The following GON7 variants were observed in gnomAD, a reference collection of about 807,000 sequenced individuals.
GON7 encodes GON7 subunit of KEOPS complex.
A neutral mutation model predicts 7.6 loss-of-function variants in GON7; 2 were observed. The observed-to-expected ratio is 0.26, with a 90% CI of 0.11 to 0.83. The LOEUF (loss-of-function observed/expected upper bound fraction) is 0.83. Among genes scored for constraint, GON7 ranks in the 40% least tolerant of loss-of-function variants. GON7 has a pLI of 0.65. For synonymous variants in GON7, 54 were observed against 56.6 expected, an observed-to-expected ratio of 0.95 and a Z score of 0.20; for missense variants, 121 against 132.2, an observed-to-expected ratio of 0.92 and a Z score of 0.42.
At position 93,206,915 on chromosome 14, in the gene GON7, C is replaced by T. The variant is rs1894358492; in HGVS notation, c.123G>A (p.Lys41=). 1.2e-6 allele frequency: 2 copies of T among 1,614,232 alleles called. No homozygotes were observed. Among genetic ancestry groups the T allele is most frequent in the Non-Finnish European group, 1.7e-6 (2 of 1,180,050 alleles). The change falls in exon 1 of 2, where the codon AAG becomes AAA. Residue 41 remains lysine, a synonymous_variant. Coordinates refer to ENST00000306954, the MANE Select transcript of GON7 (RefSeq NM_032490.5). ...GGTCGAATAATTCCGTTACCATGTC[C>T]TTCATCTGGGCCACGCCAGACAACA... The part of the protein sequence containing the change: ...QGLLSGVAQM[K]DMVTELFDPL...
chr14:93,203,492 C>A lies in GON7; in HGVS notation c.*196G>T, dbSNP rs537110978. The A allele has an allele frequency of 4.1e-6, 2 of 487,812 alleles. No individual in the cohort carries two copies. Among genetic ancestry groups the A allele is most frequent in the South Asian group, 4.5e-5 (1 of 22,084 alleles). The allele number at this position is 487,812 out of a possible 1,614,324, so 30.2% of individuals were successfully genotyped here. On this transcript the variant is annotated 3_prime_UTR_variant, in exon 2 of 2. Transcript: ENST00000306954. ...TCCTTCCAGGGTCTGAAATTTATTT[C>A]TCAAGAAAACAGATTTTATTTCTAA...
At chr14:93,205,716 A>T (rs1894327566) in intron 1 of GON7, among the ~76,000 whole-genome samples, 3 of 151,952 alleles carry the variant, frequency 2.0e-5, no homozygotes, top group East Asian at 1.9e-4. Context: ...GCAATTTTTT[A>T]AAAATAATGC....
chr14:93,205,103 T>G (rs145614795), intron 1 of GON7, among the ~76,000 whole-genome samples: 1 of 152,240 alleles, frequency 6.6e-6, no homozygotes, highest in Non-Finnish European at 1.5e-5. Flanking sequence ...CTGGGTCATA[T>G]GGTAACTTCA....
chr14:93,204,050 C>T (rs1451671642), intron 1 of GON7, among the ~76,000 whole-genome samples: 1 of 152,050 alleles, frequency 6.6e-6, no homozygotes, highest in Non-Finnish European at 1.5e-5. Flanking sequence ...GGCTGGAGTG[C>T]AGTGGCACGA....
rs1566817349 is a variant in GON7, at chr14:93,203,619, C to A, written c.*69G>T. 1 of 1,320,426 alleles carries A rather than the reference C, an allele frequency of 7.6e-7. No individual in the cohort carries two copies. Among genetic ancestry groups the A allele is most frequent in the African/African-American group, 1.4e-5 (1 of 69,324 alleles). 81.8% of individuals were successfully genotyped at this position (1,320,426 alleles called of 1,614,324 possible). On this transcript the variant is annotated 3_prime_UTR_variant, in exon 2 of 2. Transcript: ENST00000306954. Reference sequence around the variant, plus strand: ...GCTTTTTCCAAATTAGAGCATAAGTCTTCCTTAAATGTCCTAGTGTGACAA... The same window carrying A: ...GCTTTTTCCAAATTAGAGCATAAGTATTCCTTAAATGTCCTAGTGTGACAA...
At chr14:93,206,680 G>A (rs906706567) in intron 1 of GON7, 150 bp downstream of exon 1, 7 of 799,538 alleles carry the variant, frequency 8.8e-6, no homozygotes, top group Non-Finnish European at 1.3e-5. Flanking sequence ...GCCCCACTTC[G>A]CCTAGCCCGC....
At chr14:93,206,428 T>G (rs1386369062) in intron 1 of GON7, among the ~76,000 whole-genome samples, 1 of 152,152 alleles carries the variant, frequency 6.6e-6, no homozygotes, top group East Asian at 1.9e-4. Context: ...TGGCACATAA[T>G]AGTAGGCATT....
rs763894678 is a variant in GON7, at chr14:93,207,064, A to T, written c.-27T>A. On this transcript the variant is annotated 5_prime_UTR_variant, in exon 1 of 2. Coordinates refer to ENST00000306954, the MANE Select transcript of GON7 (RefSeq NM_032490.5). The stretch of plus-strand genomic sequence containing the variant: ...GTGACCGCTAAGCTTCCAGAACACG[A>T]CACCGGGAAGCGCCACCCGGAGGCG... The T allele has an allele frequency of 6.2e-7, 1 of 1,611,632 alleles. No individual in the cohort carries two copies. The highest frequency in any genetic ancestry group is 1.7e-5 in the Admixed American group (1 of 59,994).
Position 93,206,951 on chromosome 14 carries a change from A to G in GON7, c.87T>C (p.Pro29=), listed in dbSNP as rs200749263. ...CCACGCCAGACAACAGGCCCTGGAAAGGGTCGCCGTCACCCGGCGCCTCAC... is the reference window on the plus strand; with the variant it reads ...CCACGCCAGACAACAGGCCCTGGAAGGGGTCGCCGTCACCCGGCGCCTCAC... ...VSCEAPGDGD[P]FQGLLSGVAQ... The change falls in exon 1 of 2, where the codon CCT becomes CCC. Residue 29 remains proline (P), a synonymous_variant. Transcript: ENST00000306954. 1.3e-4 allele frequency: 211 copies of G among 1,614,102 alleles called. No homozygotes were observed. The highest frequency in any genetic ancestry group is 1.7e-4 in the Non-Finnish European group (201 of 1,180,050).
intron 1 of GON7, 134 bp from the exon 2 acceptor site, chr14:93,203,916 T>C: frequency 3.4e-6 from 2 of 591,012 alleles, no homozygotes; most frequent in Non-Finnish European, 5.8e-6. Context: ...TTAAAATGAT[T>C]TTGAGAATTT....
intron 1 of GON7, among the ~76,000 whole-genome samples, chr14:93,205,961 T>G (rs1894333603): frequency 6.6e-6 from 1 of 152,180 alleles, no homozygotes; most frequent in African/African-American, 2.4e-5. Context: ...TCCTAGGGTG[T>G]CTGGGTTTGC....
Position 93,206,688 on chromosome 14 carries a change from C to T in GON7, c.208+142G>A, listed in dbSNP as rs1214635005. 7.5e-6 allele frequency: 7 copies of T among 928,800 alleles called. No homozygotes were observed. The East Asian group carries it at 8.1e-5, about 11-fold the overall frequency. The allele number at this position is 928,800 out of a possible 1,614,324, so 57.5% of individuals were successfully genotyped here. A position where few individuals can be genotyped will look rare whatever the true frequency, so the allele number is the denominator to read the frequency against. ...GGCGTGAGCCCCACTTCGCCTAGCC[C>T]GCCAAAAATTTTTAGATGCAATTCT... On this transcript the variant is annotated intron_variant, in intron 1 of 1. Coordinates refer to ENST00000306954, the MANE Select transcript of GON7 (RefSeq NM_032490.5).
In GON7 at chr14:93,203,682, C is replaced by G. The variant is rs772261056; in HGVS notation, c.*6G>C. Reference sequence around the variant, plus strand: ...AGCCATCTTTTAAATGTCATGAAGGCTATTGTTAAGACGGTGTTTTTGGCC... The same window carrying G: ...AGCCATCTTTTAAATGTCATGAAGGGTATTGTTAAGACGGTGTTTTTGGCC... On this transcript the variant is annotated 3_prime_UTR_variant, in exon 2 of 2. Transcript: ENST00000306954. The G allele has an allele frequency of 1.2e-6, 2 of 1,611,854 alleles. No homozygotes were observed.
At chr14:93,204,659 C>T (rs1894308181) in intron 1 of GON7, among the ~76,000 whole-genome samples, 1 of 152,140 alleles carries the variant, frequency 6.6e-6, no homozygotes, top group Non-Finnish European at 1.5e-5. Flanking sequence ...GCAACATGTA[C>T]CCTTTTGTGT....
rs1894292569 is a variant in GON7, at chr14:93,203,769, A to G, written c.222T>C (p.Asp74=). The G allele has an allele frequency of 1.9e-6, 3 of 1,612,964 alleles. No homozygotes were observed. Among genetic ancestry groups the G allele is most frequent in the Non-Finnish European group, 1.7e-6 (2 of 1,179,294 alleles). The change falls in exon 2 of 2, where the codon GAT becomes GAC. Residue 74 remains aspartate, a synonymous_variant. Transcript: ENST00000306954. ...CAATGTTATTTTCATCTTCTGCATC[A>G]TCTTCATCATCACCTTTTAAAATAA... ...PDEDLDGDDE[D]DAEDENNIDN...
rs796202035 is a variant in GON7, at chr14:93,204,438, G to C, written c.209-656C>G. Among the ~76,000 whole-genome samples the C allele has an allele frequency of 2.2e-4, 33 of 152,108 alleles. 1 individual carries two copies. Among genetic ancestry groups the C allele is most frequent in the African/African-American group, 8.0e-4 (33 of 41,488 alleles). ...TCGCTTTCCATTCCCCTCAGCCTTC[G>C]GCAACCACTAATCTACTTTTTTTCC... On this transcript the variant is annotated intron_variant, in intron 1 of 1. Transcript: ENST00000306954.
intron 1 of GON7, among the ~76,000 whole-genome samples, chr14:93,206,342 A>AGGCAGT (rs2140094484): frequency 6.6e-6 from 1 of 150,906 alleles, no homozygotes; most frequent in East Asian, 2.0e-4. Context: ...CTGCCTGTCT[A>AGGCAGT]GTCCCCTTGT....
chr14:93,206,791 C>T (rs1255842942), intron 1 of GON7, 39 bp downstream of exon 1: 1 of 1,575,034 alleles, frequency 6.3e-7, no homozygotes, highest in Non-Finnish European at 8.6e-7. Flanking sequence ...GGGCGCCCGC[C>T]CCGTCCTCCG....
rs961007887 is a variant in GON7, at chr14:93,203,609, G to A, written c.*79C>T. 53 of 1,228,044 alleles carry A rather than the reference G, an allele frequency of 4.3e-5. No homozygotes were observed. The highest frequency in any genetic ancestry group is 3.0e-4 in the Admixed American group (16 of 53,198). The allele number at this position is 1,228,044 out of a possible 1,614,324, so 76.1% of individuals were successfully genotyped here. A position where few individuals can be genotyped will look rare whatever the true frequency, so the allele number is the denominator to read the frequency against. On this transcript the variant is annotated 3_prime_UTR_variant, in exon 2 of 2. Coordinates refer to ENST00000306954, the MANE Select transcript of GON7 (RefSeq NM_032490.5). ...CAACACAAATGCTTTTTCCAAATTA[G>A]AGCATAAGTCTTCCTTAAATGTCCT...
Sources: allele counts gnomAD v4.1 joint callset (sites outside exome capture counted in the v4.1 genomes callset), GRCh38; gene constraint gnomAD v4.1.1; transcripts MANE v1.5; gene names NCBI Gene and HGNC (gene_info 2026-07-23, HGNC 2026-07-21).